The following STRBP variants were observed in gnomAD, a reference collection of about 807,000 sequenced individuals.
The protein encoded by STRBP is spermatid perinuclear RNA-binding protein.
STRBP carries 13 observed loss-of-function variants against 80.1 expected under a neutral mutation model. That is an observed-to-expected ratio of 0.16 (90% CI 0.11 to 0.26). The LOEUF is 0.26. Ranked by LOEUF, STRBP falls within the 10% of genes least tolerant of loss-of-function variation. The pLI, the probability that STRBP is intolerant of heterozygous loss-of-function variation, is 1.00. For missense variants in STRBP, 485 were observed against 815.2 expected (o/e 0.59, Z 4.93); for synonymous variants, 284 against 291.2 (o/e 0.98, Z 0.25).
chr9:123,248,885 G>A (rs1400620556), intron 1 of STRBP, among the ~76,000 whole-genome samples: 1 of 152,188 alleles, frequency 6.6e-6, no homozygotes, highest in African/African-American at 2.4e-5. Context: ...AACTACTAAA[G>A]AGAAGGAACC....
intron 3 of STRBP, among the ~76,000 whole-genome samples, chr9:123,181,275 C>T (rs960513062): frequency 8.5e-5 from 13 of 152,086 alleles, no homozygotes; most frequent in Non-Finnish European, 1.8e-4. Context: ...AAAGTAAGTA[C>T]TAGAGAACAA....
At chr9:123,241,934 C>A (rs1193473994) in intron 1 of STRBP, among the ~76,000 whole-genome samples, 1 of 152,176 alleles carries the variant, frequency 6.6e-6, no homozygotes, top group Non-Finnish European at 1.5e-5. Context: ...CCTCACCAAC[C>A]TCATTTGTAC....
chr9:123,206,504 G>A (rs1253100151), intron 2 of STRBP, among the ~76,000 whole-genome samples: 3 of 152,196 alleles, frequency 2.0e-5, no homozygotes, highest in Non-Finnish European at 4.4e-5. Context: ...CAGGGGCAAG[G>A]AAGTAAAATA....
intron 1 of STRBP, among the ~76,000 whole-genome samples, chr9:123,260,509 A>G (rs1392901478): frequency 6.6e-6 from 1 of 152,204 alleles, no homozygotes; most frequent in Non-Finnish European, 1.5e-5. Context: ...AGAGAGAGTA[A>G]ATAATATGCT....
downstream of STRBP, among the ~76,000 whole-genome samples, chr9:123,116,912 G>C (rs928095749): frequency 2.0e-5 from 3 of 152,172 alleles, no homozygotes; most frequent in Non-Finnish European, 1.5e-5. Context: ...TCCTCAGAAA[G>C]GGCTGCTGTT....
intron 6 of STRBP, among the ~76,000 whole-genome samples, chr9:123,164,211 AAT>A (rs2037654327): frequency 6.6e-6 from 1 of 151,908 alleles, no homozygotes; most frequent in Admixed American, 6.6e-5. Flanking sequence ...ATGCCCTGCT[AAT>A]TTTTGTTATT....
downstream of STRBP, among the ~76,000 whole-genome samples, chr9:123,118,946 T>A (rs1298025056): frequency 1.3e-5 from 2 of 152,070 alleles, no homozygotes; most frequent in South Asian, 2.1e-4. Context: ...TTTCCTCTTA[T>A]CGAAAAAAAG....
chr9:123,128,327 G>A (rs1400383024), intron 17 of STRBP, 69 bp from the exon 18 acceptor site: 2 of 1,572,330 alleles, frequency 1.3e-6, no homozygotes, highest in Non-Finnish European at 1.8e-6. Flanking sequence ...CAATTCACAA[G>A]CACCACCTGC....
At chr9:123,133,055 G>A (rs1343651718) in intron 16 of STRBP, 87 bp from the exon 17 acceptor site, 5 of 1,525,182 alleles carry the variant, frequency 3.3e-6, no homozygotes, top group African/African-American at 2.8e-5. Flanking sequence ...ACAACTATGA[G>A]AAACTGTGAG....
rs118067417 is a variant in STRBP, at chr9:123,263,803, T to A, written c.-302+4633A>T. On this transcript the variant is annotated intron_variant, in intron 1 of 18. Transcript: ENST00000348403. ...TCACTAGCAGAAGGGATAGCTCTAT[T>A]TTTCTATTCCAGTCACTCAGTCAGT... is the stretch of plus-strand genomic sequence containing the variant. Among the ~76,000 whole-genome samples the A allele has an allele frequency of 5.7e-3, 868 of 152,344 alleles. 25 individuals are homozygous for A. The highest frequency in any genetic ancestry group is 0.038 in the Admixed American group (586 of 15,300).
At chr9:123,151,329 A>G (rs1408580596) in intron 11 of STRBP, among the ~76,000 whole-genome samples, 1 of 152,178 alleles carries the variant, frequency 6.6e-6, no homozygotes, top group African/African-American at 2.4e-5. Flanking sequence ...CAACATCTGA[A>G]AAGCACAATG....
At chr9:123,125,894 T>C (rs1178312517) in intron 18 of STRBP, among the ~76,000 whole-genome samples, 1 of 152,246 alleles carries the variant, frequency 6.6e-6, no homozygotes, top group Non-Finnish European at 1.5e-5. Flanking sequence ...AAAATCAGGA[T>C]GGCTACATCT....
chr9:123,196,389 AAAAGCTTCTGCAAAGC>A (rs1263282257), intron 2 of STRBP, among the ~76,000 whole-genome samples: 1 of 152,210 alleles, frequency 6.6e-6, no homozygotes, highest in Non-Finnish European at 1.5e-5. Flanking sequence ...CATCAAGTTG[AAAAGCTTCTGCAAAGC>A]AAAGGAAACA....
chr9:123,232,023 C>T (rs1185575486), intron 2 of STRBP, among the ~76,000 whole-genome samples: 2 of 152,132 alleles, frequency 1.3e-5, no homozygotes, highest in Non-Finnish European at 2.9e-5. Flanking sequence ...CAAAACCCAA[C>T]TTAGCCAGCT....
intron 2 of STRBP, among the ~76,000 whole-genome samples, chr9:123,190,467 T>TA (rs5900567): frequency 0.72 from 107,452 of 148,318 alleles, 40,622 homozygotes; most frequent in Middle Eastern, 0.86. Flanking sequence ...CTTTTTCATG[T>TA]AAAAAAAAAA....
chr9:123,268,288 G>GCCGCCA (rs1379470897), intron 1 of STRBP, 148 bp downstream of exon 1: 1 of 152,534 alleles, frequency 6.6e-6, no homozygotes, highest in Non-Finnish European at 1.5e-5. Context: ...CTCCGCCTCG[G>GCCGCCA]CCGCCACCGC....
chr9:123,221,031 G>T (rs1444077539), intron 2 of STRBP, among the ~76,000 whole-genome samples: 1 of 151,950 alleles, frequency 6.6e-6, no homozygotes, highest in Non-Finnish European at 1.5e-5. Flanking sequence ...TTTTTTTAAG[G>T]TAGTGGAAAG....
intron 2 of STRBP, among the ~76,000 whole-genome samples, chr9:123,231,044 C>T (rs908110193): frequency 5.3e-5 from 8 of 152,200 alleles, no homozygotes; most frequent in African/African-American, 1.9e-4. Flanking sequence ...TTCTTCAACT[C>T]TGTGTATTAT....
intron 4 of STRBP, among the ~76,000 whole-genome samples, chr9:123,175,049 T>G (rs770088839): frequency 5.3e-5 from 8 of 152,188 alleles, no homozygotes; most frequent in Non-Finnish European, 8.8e-5. Context: ...GAAAGTAACA[T>G]CTGAGCACAA....
Sources: allele counts gnomAD v4.1 joint callset (sites outside exome capture counted in the v4.1 genomes callset), GRCh38; gene constraint gnomAD v4.1.1; transcripts MANE v1.5; gene names NCBI Gene and HGNC (gene_info 2026-07-23, HGNC 2026-07-21).